Variants in MAP4 observed in about 807,000 individuals in gnomAD.
MAP4 encodes microtubule-associated protein 4.
A neutral mutation model predicts 170.2 loss-of-function variants in MAP4; 76 were observed. The ratio of observed to expected loss-of-function variants is 0.45; its 90% CI spans 0.37 to 0.54. The LOEUF is 0.54. MAP4 is among the 20% of genes least tolerant of loss of function. MAP4 has a pLI of 0.00. For missense variants in MAP4, 2,506 were observed against 2,748.0 expected, an observed-to-expected ratio of 0.91 and a Z score of 1.97; for synonymous variants, 909 against 994.5, an observed-to-expected ratio of 0.91 and a Z score of 1.62.
intron 2 of MAP4, among the ~76,000 whole-genome samples, chr3:47,989,624 C>A (rs1450878785): frequency 6.6e-6 from 1 of 152,168 alleles, no homozygotes; most frequent in South Asian, 2.1e-4. Flanking sequence ...TTCTACTATA[C>A]ATACAACACC....
intron 10 of MAP4, among the ~76,000 whole-genome samples, chr3:47,901,182 G>A (rs985152645): frequency 3.9e-5 from 6 of 152,138 alleles, no homozygotes; most frequent in African/African-American, 1.4e-4. Context: ...TTTCTGCTCT[G>A]TATTTCCATA....
At chr3:48,025,942 T>G (rs1000126002) in intron 1 of MAP4, among the ~76,000 whole-genome samples, 1 of 144,458 alleles carries the variant, frequency 6.9e-6, no homozygotes, top group East Asian at 2.0e-4. Context: ...ATAATAACAA[T>G]AATAATAATA....
At chr3:47,932,371 T>C (rs2100050366) in intron 3 of MAP4, among the ~76,000 whole-genome samples, 1 of 152,208 alleles carries the variant, frequency 6.6e-6, no homozygotes, top group Admixed American at 6.5e-5. Flanking sequence ...ATATTGTGAA[T>C]AATGCTGCTA....
chr3:47,992,135 T>C (rs2100092729), intron 2 of MAP4, among the ~76,000 whole-genome samples: 2 of 152,156 alleles, frequency 1.3e-5, no homozygotes, highest in Admixed American at 6.5e-5. Context: ...ACATCTTGTT[T>C]AGAATGTTCT....
chr3:47,995,714 TAAC>T (rs1326991019), intron 2 of MAP4, among the ~76,000 whole-genome samples: 4 of 151,942 alleles, frequency 2.6e-5, no homozygotes, highest in East Asian at 1.9e-4. Flanking sequence ...ACTCCCACCC[TAAC>T]AACAAGAAAC....
intron 2 of MAP4, among the ~76,000 whole-genome samples, chr3:47,980,426 G>C (rs780133738): frequency 5.9e-5 from 9 of 152,124 alleles, no homozygotes; most frequent in Admixed American, 1.3e-4. Context: ...AATAAAAAAT[G>C]CAAGATTTTA....
intron 1 of MAP4, among the ~76,000 whole-genome samples, chr3:48,044,392 T>A (rs1342384876): frequency 6.6e-6 from 1 of 151,754 alleles, no homozygotes. Context: ...CCTGACCTCG[T>A]GATCCACCCG....
chr3:47,961,319 C>T (rs1419346558), intron 3 of MAP4, among the ~76,000 whole-genome samples: 2 of 152,164 alleles, frequency 1.3e-5, no homozygotes, highest in Admixed American at 6.5e-5. Flanking sequence ...CTGGGCAACA[C>T]AGCAAAACCC....
At position 47,852,851 on chromosome 3, in the gene MAP4, G is replaced by T; in HGVS notation, c.*83C>A. On this transcript the variant is annotated 3_prime_UTR_variant, in exon 21 of 21. Coordinates refer to ENST00000683076, the MANE Select transcript of MAP4 (RefSeq NM_001385682.1). The stretch of plus-strand genomic sequence containing the variant: ...CGGGAGCCCGAGTTGGGGCCGCCAG[G>T]GAAGTGTGGGGGGCGGGAGACAATG... 1 of 1,561,772 alleles carries T rather than the reference G, an allele frequency of 6.4e-7. No individual in the cohort carries two copies. Among genetic ancestry groups the T allele is most frequent in the Non-Finnish European group, 8.7e-7 (1 of 1,152,924 alleles).
At chr3:47,895,268 G>C (rs1431919227) in intron 10 of MAP4, among the ~76,000 whole-genome samples, 1 of 152,240 alleles carries the variant, frequency 6.6e-6, no homozygotes, top group African/African-American at 2.4e-5. Context: ...ATAGTTAAGA[G>C]TCTTAGAAAC....
chr3:48,035,944 T>G (rs1433520897), intron 1 of MAP4, among the ~76,000 whole-genome samples: 1 of 151,464 alleles, frequency 6.6e-6, no homozygotes, highest in Non-Finnish European at 1.5e-5. Flanking sequence ...CATCCCCCCC[T>G]CTCAAAAAAA....
chr3:47,901,734 A>G (rs748112740), intron 10 of MAP4, among the ~76,000 whole-genome samples: 2 of 152,086 alleles, frequency 1.3e-5, no homozygotes, highest in Non-Finnish European at 2.9e-5. Context: ...AGAAATAACT[A>G]TATCTGCAAT....
Position 48,053,946 on chromosome 3 carries a change from T to C in MAP4, c.-20+34827A>G, listed in dbSNP as rs539940896. Among the ~76,000 whole-genome samples the C allele has an allele frequency of 7.9e-5, 12 of 152,314 alleles. 1 individual carries two copies. Among genetic ancestry groups the C allele is most frequent in the African/African-American group, 2.9e-4 (12 of 41,570 alleles). On this transcript the variant is annotated intron_variant, in intron 1 of 18. Transcript: ENST00000360240. ...AAAATGTTATTCTCTTTTATAATTTTTGTGTTTCTAAATTATCTACATTAA... is the reference window on the plus strand; with the variant it reads ...AAAATGTTATTCTCTTTTATAATTTCTGTGTTTCTAAATTATCTACATTAA...
intron 3 of MAP4, 115 bp downstream of exon 3, chr3:47,977,750 C>G (rs2100083012): frequency 4.2e-6 from 3 of 711,564 alleles, no homozygotes; most frequent in Non-Finnish European, 5.0e-6. Flanking sequence ...AGAACACTAC[C>G]ACCCTCAGAA....
Position 47,928,263 on chromosome 3 carries a change from A to T in MAP4, c.380T>A (p.Phe127Tyr). The change falls in exon 4 of 21, where the codon TTC (phenylalanine) becomes TAC (tyrosine). Residue 127 changes from phenylalanine (F) to tyrosine (Y), a missense_variant. This residue lies in a region of MAP4 where 2,008 missense variants were observed against 2,206.0 expected (regional missense o/e 0.91). Coordinates refer to ENST00000683076, the MANE Select transcript of MAP4 (RefSeq NM_001385682.1). Reference protein sequence around the residue: ...QNWPEDTNFCFQPEQVVDPIQ... With the variant: ...QNWPEDTNFCYQPEQVVDPIQ... ...AGGATCGACCACTTGCTCAGGTTGG[A>T]AACAAAAGTTGGTATCTTCTGGCCA... 1 of 1,614,198 alleles carries T rather than the reference A, an allele frequency of 6.2e-7. No homozygotes were observed. Among genetic ancestry groups the T allele is most frequent in the Non-Finnish European group, 8.5e-7 (1 of 1,180,036 alleles).
chr3:47,866,464 G>A (rs2080359659), intron 17 of MAP4, among the ~76,000 whole-genome samples: 1 of 151,184 alleles, frequency 6.6e-6, no homozygotes, highest in Admixed American at 6.6e-5. Flanking sequence ...AGCAGAAAGG[G>A]AAATGGGAGG....
intron 5 of MAP4, 52 bp downstream of exon 5, chr3:47,921,713 G>T (rs1043402268): frequency 9.2e-6 from 10 of 1,091,262 alleles, no homozygotes; most frequent in Non-Finnish European, 1.4e-5. Flanking sequence ...GATGAGTAAA[G>T]AAAAAATTTT....
intron 1 of MAP4, among the ~76,000 whole-genome samples, chr3:48,033,262 G>GT (rs2100117094): frequency 6.6e-6 from 1 of 152,170 alleles, no homozygotes. Context: ...GATAAAGAAG[G>GT]TAAGTCCAGC....
In MAP4 at chr3:48,058,936, C is replaced by T. The variant is rs561151675; in HGVS notation, c.-20+29837G>A. Among the ~76,000 whole-genome samples the T allele has an allele frequency of 2.6e-5, 4 of 151,998 alleles. No homozygotes were observed. In the East Asian group the frequency reaches 5.8e-4, roughly 22 times the overall value. On this transcript the variant is annotated intron_variant, in intron 1 of 18. Transcript: ENST00000360240. Reference sequence around the variant, plus strand: ...CTGAGATTACAGGCGTGCACCACCACGCCCGGCTAATTTTTGTATTTTTAG... The same window carrying T: ...CTGAGATTACAGGCGTGCACCACCATGCCCGGCTAATTTTTGTATTTTTAG...
Sources: gnomAD v4.1 joint callset for allele counts (sites outside exome capture counted in the v4.1 genomes callset) on GRCh38, gnomAD v4.1.1 for gene constraint, gnomAD v4.1.1 regional missense constraint, MANE v1.5 for transcripts, NCBI Gene and HGNC (gene_info 2026-07-23, HGNC 2026-07-21) for gene names.